UBE4A: variants seen among roughly 807,000 people sequenced by gnomAD.
UBE4A encodes the protein ubiquitin conjugation factor E4 A.
Under a neutral mutation model 117.9 loss-of-function variants are expected in UBE4A, and 48 were observed. The ratio of observed to expected loss-of-function variants is 0.41; its 90% CI spans 0.32 to 0.52. The LOEUF is 0.52. UBE4A is among the 20% of genes least tolerant of loss of function. UBE4A has a pLI of 0.33. For missense variants in UBE4A, 1,067 were observed against 1,296.3 expected, an observed-to-expected ratio of 0.82 and a Z score of 2.72; for synonymous variants, 407 against 450.0, an observed-to-expected ratio of 0.90 and a Z score of 1.21.
rs961625382 is a variant in UBE4A, at chr11:118,373,494, G to A, written c.925G>A (p.Val309Ile). The A allele has an allele frequency of 5.6e-6, 9 of 1,611,114 alleles. No homozygotes were observed. The African/African-American group carries it at 8.0e-5, about 14-fold the overall frequency. The change falls in exon 8 of 20, where the codon GTT (valine) becomes ATT (isoleucine). Residue 309 changes from valine (V) to isoleucine (I), a missense_variant and splice_region_variant. By Grantham distance (29) the Val-to-Ile change is conservative (BLOSUM62 3). Coordinates refer to ENST00000252108, the MANE Select transcript of UBE4A (RefSeq NM_001204077.2). Reference protein sequence around the residue: ...YFTRQKDMAKVFVEYIQPKDP... With the variant: ...YFTRQKDMAKIFVEYIQPKDP... ...AAGCAGAACTTGTCTTCTCTTACAG[G>A]TTTTTGTAGAATACATTCAGCCCAA...
Position 118,383,588 on chromosome 11 carries a change from CAAAAAAAA to C in UBE4A, c.2197+829_2197+836del, listed in dbSNP as rs11375309. ...GGATGACAGAGCAAGAAATCCCTCT[CAAAAAAAA>C]AAAAAAAAAAAAAAAACCAGCAGGC... is the stretch of plus-strand genomic sequence containing the variant. On this transcript the variant is annotated intron_variant, in intron 13 of 19. Transcript: ENST00000252108. Among the ~76,000 whole-genome samples, 282 of 54,240 alleles carry C rather than the reference CAAAAAAAA, an allele frequency of 5.2e-3. 1 individual carries two copies. The highest frequency in any genetic ancestry group is 0.02 in the African/African-American group (274 of 13,980). 35.6% of individuals were successfully genotyped at this position (54,240 alleles called of 152,430 possible).
At chr11:118,383,052 G>A (rs1291712587) in intron 13 of UBE4A, among the ~76,000 whole-genome samples, 4 of 151,612 alleles carry the variant, frequency 2.6e-5, no homozygotes, top group African/African-American at 9.7e-5. Context: ...CAAAAGATCA[G>A]TTTGTCCATG....
At chr11:118,360,981 T>TAC in intron 1 of UBE4A, among the ~76,000 whole-genome samples, 1 of 142,534 alleles carries the variant, frequency 7.0e-6, no homozygotes, top group Non-Finnish European at 1.5e-5. Flanking sequence ...TATATGTATG[T>TAC]ATATATGTGT....
At chr11:118,362,174 T>C (rs1423830797) in intron 1 of UBE4A, among the ~76,000 whole-genome samples, 1 of 152,206 alleles carries the variant, frequency 6.6e-6, no homozygotes, top group East Asian at 1.9e-4. Context: ...CAGGCTGGAG[T>C]GCAGTGGCAA....
In UBE4A at chr11:118,373,128, C is replaced by A; in HGVS notation, c.764C>A (p.Ala255Asp). The part of the protein sequence containing the change: ...VTEFLEEVIE[A>D]LILDEEVRTF... The stretch of plus-strand genomic sequence containing the variant: ...GAGTTTCTGGAAGAGGTCATTGAAG[C>A]CTTGATATTGGATGAGGAAGTTAGA... The change falls in exon 7 of 20, where the codon GCC becomes GAC. Residue 255 changes from alanine (A) to aspartate (D), a missense_variant. Around this residue, in one of 3 missense-constraint regions of UBE4A, gnomAD observed 1,001 missense variants for 1,184.0 expected, o/e 0.85. Coordinates refer to ENST00000252108, the MANE Select transcript of UBE4A (RefSeq NM_001204077.2). The A allele has an allele frequency of 6.2e-7, 1 of 1,613,980 alleles. No individual in the cohort carries two copies. Among genetic ancestry groups the A allele is most frequent in the Non-Finnish European group, 8.5e-7 (1 of 1,180,000 alleles).
chr11:118,370,983 C>T (rs1215494369), intron 4 of UBE4A, among the ~76,000 whole-genome samples: 1 of 152,208 alleles, frequency 6.6e-6, no homozygotes, highest in Admixed American at 6.5e-5. Context: ...CTAGCCCCAC[C>T]TCCAACAGTG....
intron 4 of UBE4A, among the ~76,000 whole-genome samples, chr11:118,370,648 C>T (rs1948601583): frequency 6.6e-6 from 1 of 151,696 alleles, no homozygotes; most frequent in Non-Finnish European, 1.5e-5. Context: ...AACACCCAAG[C>T]AGTAATTTAT....
chr11:118,369,586 G>A (rs375961873), intron 4 of UBE4A, 51 bp downstream of exon 4: 211 of 1,358,422 alleles, frequency 1.6e-4, no homozygotes, highest in Non-Finnish European at 2.0e-4. Context: ...TTAGCTATGC[G>A]GCTGAATTCT....
chr11:118,375,981 G>A (rs1432646409), intron 9 of UBE4A, among the ~76,000 whole-genome samples: 1 of 152,196 alleles, frequency 6.6e-6, no homozygotes, highest in African/African-American at 2.4e-5. Context: ...AGGCAAAGAA[G>A]CAAGAGGGTC....
intron 18 of UBE4A, 68 bp downstream of exon 18, chr11:118,390,872 C>T (rs1427362337): frequency 2.5e-6 from 4 of 1,573,078 alleles, no homozygotes; most frequent in South Asian, 2.2e-5. Flanking sequence ...CATGATGGCT[C>T]AAGCCTGTAG....
intron 9 of UBE4A, among the ~76,000 whole-genome samples, chr11:118,375,473 C>T (rs1555125243): frequency 6.6e-6 from 1 of 152,108 alleles, no homozygotes; most frequent in Non-Finnish European, 1.5e-5. Flanking sequence ...GATTCTCCTG[C>T]CTCAGCCTCC....
At chr11:118,372,984 C>CT (rs757612617) in intron 6 of UBE4A, 102 bp from the exon 7 acceptor site, 2 of 998,576 alleles carry the variant, frequency 2.0e-6, no homozygotes, top group African/African-American at 1.8e-5. Flanking sequence ...ACCCCCAGCT[C>CT]TAAAAAAAAA....
Position 118,384,961 on chromosome 11 carries a change from A to AAT in UBE4A, c.2412+17_2412+18insTA, listed in dbSNP as rs2134104933. 7 of 1,565,938 alleles carry AAT rather than the reference A, an allele frequency of 4.5e-6. No individual in the cohort carries two copies. The highest frequency in any genetic ancestry group is 2.4e-5 in the South Asian group (2 of 84,738). On this transcript the variant is annotated intron_variant, in intron 15 of 19. Coordinates refer to ENST00000252108, the MANE Select transcript of UBE4A (RefSeq NM_001204077.2). ...AGCCATACAGGTAAAAAAAAAAAAAAAAAAAAAGATTTAACTTCTCCATAC... is the reference window on the plus strand; with the variant it reads ...AGCCATACAGGTAAAAAAAAAAAAAAATAAAAAAAGATTTAACTTCTCCATAC...
chr11:118,376,427 C>A (rs1236754794), intron 9 of UBE4A, 147 bp from the exon 10 acceptor site: 4 of 1,195,936 alleles, frequency 3.3e-6, no homozygotes. Flanking sequence ...CGGTGAGAAA[C>A]CAAAAGATAT....
intron 4 of UBE4A, among the ~76,000 whole-genome samples, chr11:118,371,173 TTA>T (rs1300427612): frequency 1.3e-5 from 2 of 152,216 alleles, no homozygotes; most frequent in Non-Finnish European, 2.9e-5. Context: ...TGGAGTATCT[TTA>T]TATAAGTCTG....
Position 118,369,424 on chromosome 11 carries a change from T to G in UBE4A, c.297T>G (p.Ser99Arg), listed in dbSNP as rs1948590476. The G allele has an allele frequency of 1.2e-6, 2 of 1,612,430 alleles. No homozygotes were observed. The highest frequency in any genetic ancestry group is 3.3e-5 in the Admixed American group (2 of 59,998). The change falls in exon 4 of 20, where the codon AGT (serine) becomes AGG (arginine). Residue 99 changes from serine to arginine, a missense_variant and splice_region_variant. Coordinates refer to ENST00000252108, the MANE Select transcript of UBE4A (RefSeq NM_001204077.2). The stretch of plus-strand genomic sequence containing the variant: ...TATCATATTAAAACCATTTCCCAGG[T>G]GATCCCAGCTTGAAAAGCGGGAATG... ...QRIFLITLDN[S>R]DPSLKSGNGI...
intron 11 of UBE4A, among the ~76,000 whole-genome samples, chr11:118,380,371 C>G (rs946011319): frequency 6.6e-6 from 1 of 151,802 alleles, no homozygotes; most frequent in Non-Finnish European, 1.5e-5. Context: ...TTACTTGAGC[C>G]CAGGAGTTCA....
At position 118,397,718 on chromosome 11, in the gene UBE4A, A is replaced by G. The variant is rs1308611882; in HGVS notation, c.*1278A>G. On this transcript the variant is annotated 3_prime_UTR_variant, in exon 20 of 20. Coordinates refer to ENST00000252108, the MANE Select transcript of UBE4A (RefSeq NM_001204077.2). The stretch of plus-strand genomic sequence containing the variant: ...CCAGAGATGTCATAAGTGACAAGAA[A>G]AGTGATAGGATCAAGAAATGGGTGT... The G allele has an allele frequency of 6.6e-6, 1 of 152,246 alleles. No homozygotes were observed. The highest frequency in any genetic ancestry group is 1.5e-5 in the Non-Finnish European group (1 of 68,042). The allele number at this position is 152,246 out of a possible 1,614,324, so 9.4% of individuals were successfully genotyped here.
intron 16 of UBE4A, among the ~76,000 whole-genome samples, chr11:118,388,417 G>C (rs957240012): frequency 6.6e-6 from 1 of 151,436 alleles, no homozygotes; most frequent in South Asian, 2.1e-4. Context: ...TTGGGAGGTC[G>C]AGGCAAGCAG....
Sources: allele counts gnomAD v4.1 joint callset (sites outside exome capture counted in the v4.1 genomes callset), GRCh38; gene constraint gnomAD v4.1.1; regional missense constraint gnomAD v4.1.1; transcripts MANE v1.5; gene names NCBI Gene and HGNC (gene_info 2026-07-23, HGNC 2026-07-21).